RAPGEF2: variants seen among roughly 807,000 people sequenced by gnomAD.
The protein encoded by RAPGEF2 is Rap guanine nucleotide exchange factor 2.
In RAPGEF2, 54 loss-of-function variants were observed where a neutral mutation model predicts 186.7. That is an observed-to-expected ratio of 0.29 (90% CI 0.23 to 0.36). The LOEUF is 0.36. Ranked by LOEUF, RAPGEF2 falls within the 10% of genes least tolerant of loss-of-function variation. The pLI, the probability that RAPGEF2 is intolerant of heterozygous loss-of-function variation, is 1.00. For missense variants in RAPGEF2, 1,532 were observed against 2,045.0 expected, an observed-to-expected ratio of 0.75 and a Z score of 4.84; for synonymous variants, 712 against 705.9, an observed-to-expected ratio of 1.01 and a Z score of -0.14.
intron 7 of RAPGEF2, among the ~76,000 whole-genome samples, chr4:159,273,645 T>TCTTC (rs1758426704): frequency 7.6e-6 from 1 of 132,208 alleles, no homozygotes; most frequent in African/African-American, 3.0e-5. Flanking sequence ...TTTCTTTCTT[T>TCTTC]CTTTCTTTCT....
chr4:159,149,259 ATTTG>A (rs1478503828), intron 1 of RAPGEF2, among the ~76,000 whole-genome samples: 2 of 152,014 alleles, frequency 1.3e-5, no homozygotes, highest in African/African-American at 4.8e-5. Context: ...TTTTTTGTTT[ATTTG>A]TTTGTTTGCT....
intron 2 of RAPGEF2, among the ~76,000 whole-genome samples, chr4:159,188,618 C>T (rs534085297): frequency 2.8e-4 from 42 of 147,594 alleles, no homozygotes; most frequent in Admixed American, 5.5e-4. Flanking sequence ...GAGCAGAAAT[C>T]GCACCACCGC....
intron 28 of RAPGEF2, among the ~76,000 whole-genome samples, chr4:159,355,386 T>A (rs1731818026): frequency 6.6e-6 from 1 of 152,178 alleles, no homozygotes; most frequent in Non-Finnish European, 1.5e-5. Context: ...ATTGCTTCTC[T>A]GCCTGGTAAA....
At chr4:159,216,120 A>C (rs556505040) in intron 4 of RAPGEF2, among the ~76,000 whole-genome samples, 24 of 152,212 alleles carry the variant, frequency 1.6e-4, no homozygotes, top group Middle Eastern at 3.2e-3. Flanking sequence ...CTCATTTTAA[A>C]ACATTAATTG....
At chr4:159,181,337 T>C (rs1746986070) in intron 1 of RAPGEF2, among the ~76,000 whole-genome samples, 1 of 152,180 alleles carries the variant, frequency 6.6e-6, no homozygotes, top group Non-Finnish European at 1.5e-5. Context: ...CTGACATAGC[T>C]TTTAAAAATT....
intron 22 of RAPGEF2, 134 bp from the exon 23 acceptor site, chr4:159,343,902 G>A: frequency 1.3e-6 from 1 of 798,424 alleles, no homozygotes; most frequent in South Asian, 1.9e-5. Flanking sequence ...CGTGTGTGAG[G>A]TGATTATGCA....
At chr4:159,351,058 GGTGGCA>G in intron 26 of RAPGEF2, 1 of 1,531,300 alleles carries the variant, frequency 6.5e-7, no homozygotes, top group Non-Finnish European at 8.7e-7. Context: ...CCTGTTGTTA[GGTGGCA>G]GTGGCAATCA....
intron 9 of RAPGEF2, among the ~76,000 whole-genome samples, chr4:159,319,249 A>T (rs1764958155): frequency 6.6e-6 from 1 of 152,148 alleles, no homozygotes; most frequent in South Asian, 2.1e-4. Context: ...AAGGTGAGGG[A>T]GCATTACCAC....
chr4:159,157,466 G>A (rs1376854903), intron 1 of RAPGEF2, among the ~76,000 whole-genome samples: 4 of 152,180 alleles, frequency 2.6e-5, no homozygotes, highest in Admixed American at 6.5e-5. Flanking sequence ...GTTCTTTATA[G>A]TTTGGGAATC....
At chr4:159,301,395 A>G (rs569969953) in intron 7 of RAPGEF2, among the ~76,000 whole-genome samples, 1 of 152,254 alleles carries the variant, frequency 6.6e-6, no homozygotes, top group Admixed American at 6.5e-5. Flanking sequence ...AAAATTAATA[A>G]TAGTATTGTT....
At chr4:159,147,823 T>C (rs766201312) in intron 1 of RAPGEF2, among the ~76,000 whole-genome samples, 1 of 152,220 alleles carries the variant, frequency 6.6e-6, no homozygotes, top group Non-Finnish European at 1.5e-5. Flanking sequence ...GTGCCTTAAG[T>C]TTTCTTTGAA....
At chr4:159,343,751 A>G (rs1246514982) in intron 22 of RAPGEF2, among the ~76,000 whole-genome samples, 2 of 152,248 alleles carry the variant, frequency 1.3e-5, no homozygotes, top group African/African-American at 2.4e-5. Context: ...TCTTGTCTCA[A>G]TATCCACACA....
intron 1 of RAPGEF2, among the ~76,000 whole-genome samples, chr4:159,143,810 G>C (rs532666569): frequency 6.8e-4 from 103 of 152,270 alleles, no homozygotes; most frequent in African/African-American, 2.4e-3. Flanking sequence ...CTTTTTGACA[G>C]ATCATATTGC....
intron 3 of RAPGEF2, 94 bp downstream of exon 3, chr4:159,193,350 C>T (rs929598680): frequency 5.3e-6 from 3 of 565,572 alleles, no homozygotes; most frequent in Non-Finnish European, 8.3e-6. Context: ...CTGGCTAAGT[C>T]AGCACTAACT....
rs553854152 is a variant in RAPGEF2 at position 159,319,855 on chromosome 4, G to A, written c.854-2492G>A. On this transcript the variant is annotated intron_variant, in intron 9 of 29. Coordinates refer to ENST00000691494, the MANE Select transcript of RAPGEF2 (RefSeq NM_001394067.2). ...AGATTAAGAGTCTGCCAAAAAGCAC[G>A]CAATATGTCTACACGAAGCACTTTA... 2.2e-3 allele frequency among the ~76,000 whole-genome samples: 328 copies of A among 151,848 alleles called. 5 individuals are homozygous for A. Among genetic ancestry groups the A allele is most frequent in the African/African-American group, 7.6e-3 (315 of 41,402 alleles).
chr4:159,307,048 TG>T (rs1763387012), intron 8 of RAPGEF2, among the ~76,000 whole-genome samples: 1 of 152,224 alleles, frequency 6.6e-6, no homozygotes, highest in Non-Finnish European at 1.5e-5. Context: ...TATCCTTATT[TG>T]GCCTTCAAAT....
intron 7 of RAPGEF2, among the ~76,000 whole-genome samples, chr4:159,256,618 G>A (rs954827872): frequency 1.3e-5 from 2 of 152,124 alleles, no homozygotes; most frequent in Non-Finnish European, 2.9e-5. Context: ...TTGAAGAATC[G>A]CCACACTGTC....
intron 3 of RAPGEF2, among the ~76,000 whole-genome samples, chr4:159,199,466 G>A (rs571289717): frequency 2.1e-5 from 3 of 146,188 alleles, no homozygotes; most frequent in African/African-American, 2.7e-5. Flanking sequence ...GTCTGTTCCC[G>A]ATGGTTTTTT....
chr4:159,117,973 T>C (rs901589417), intron 1 of RAPGEF2, among the ~76,000 whole-genome samples: 13 of 152,204 alleles, frequency 8.5e-5, no homozygotes, highest in Admixed American at 2.6e-4. Flanking sequence ...GTTTTTTTTT[T>C]CAAGGATTGA....
Sources: gnomAD v4.1 joint callset for allele counts (sites outside exome capture counted in the v4.1 genomes callset) on GRCh38, gnomAD v4.1.1 for gene constraint, MANE v1.5 for transcripts, NCBI Gene and HGNC (gene_info 2026-07-23, HGNC 2026-07-21) for gene names.